Variants in WHAMM observed in about 807,000 individuals in gnomAD.
WHAMM encodes WASP homolog associated with actin, golgi membranes and microtubules.
Under a neutral mutation model 76.5 loss-of-function variants are expected in WHAMM, and 67 were observed. That is an observed-to-expected ratio of 0.88 (90% CI 0.72 to 1.07). The LOEUF (loss-of-function observed/expected upper bound fraction) is 1.07. WHAMM is among the 50% of genes least tolerant of loss of function. The pLI, the probability that WHAMM is intolerant of heterozygous loss-of-function variation, is 0.00. For synonymous variants in WHAMM, 419 were observed against 422.1 expected, an observed-to-expected ratio of 0.99 and a Z score of 0.09; for missense variants, 1,021 against 1,051.1, an observed-to-expected ratio of 0.97 and a Z score of 0.40.
Position 82,819,453 on chromosome 15 carries a change from C to T in WHAMM, c.1235C>T (p.Thr412Ile), listed in dbSNP as rs997572327. 2 of 1,267,752 alleles carry T rather than the reference C, an allele frequency of 1.6e-6. No homozygotes were observed. The highest frequency in any genetic ancestry group is 3.6e-5 in the Admixed American group (1 of 28,008). The allele number at this position is 1,267,752 out of a possible 1,614,324, so 78.5% of individuals were successfully genotyped here. A position where few individuals can be genotyped will look rare whatever the true frequency, so the allele number is the denominator to read the frequency against. The change falls in exon 5 of 10, where the codon ACT becomes ATT. Residue 412 changes from threonine (T) to isoleucine (I), a missense_variant. Physicochemically the swap from Thr to Ile is moderately conservative, Grantham distance 89. Coordinates refer to ENST00000286760, the MANE Select transcript of WHAMM (RefSeq NM_001080435.3). ...TTAAAAAACGAAGAAATACTGCTTA[C>T]TACACAGTTGGACTCTCTTAAAAGA... The part of the protein sequence containing the change: ...EILKNEEILL[T>I]TQLDSLKRLI...
chr15:82,812,177 A>G (rs965552607), intron 1 of WHAMM, among the ~76,000 whole-genome samples: 7 of 152,204 alleles, frequency 4.6e-5, no homozygotes, highest in African/African-American at 1.7e-4. Flanking sequence ...CATTAAGAGA[A>G]TCAACATGCT....
chr15:82,815,522 ATGTT>A (rs1330656285), intron 2 of WHAMM, among the ~76,000 whole-genome samples: 17 of 152,184 alleles, frequency 1.1e-4, no homozygotes, highest in Admixed American at 9.8e-4. Flanking sequence ...AATTCTGTGA[ATGTT>A]TGTGTGTAAG....
intron 5 of WHAMM, among the ~76,000 whole-genome samples, chr15:82,822,578 T>C (rs1159130826): frequency 6.6e-6 from 1 of 152,218 alleles, no homozygotes; most frequent in Non-Finnish European, 1.5e-5. Flanking sequence ...GCTCGGATTA[T>C]AGGCATGCGC....
rs1669676057 is a variant in WHAMM at position 82,833,824 on chromosome 15, C to T, written c.*288C>T. Reference sequence around the variant, plus strand: ...GTGCGATCTTGGCTCACTGCAAGCTCCGCCTCCTGGGTTCACGCCATTCTC... The same window carrying T: ...GTGCGATCTTGGCTCACTGCAAGCTTCGCCTCCTGGGTTCACGCCATTCTC... On this transcript the variant is annotated 3_prime_UTR_variant, in exon 10 of 10. Coordinates refer to ENST00000286760, the MANE Select transcript of WHAMM (RefSeq NM_001080435.3). 5.8e-6 allele frequency: 2 copies of T among 344,938 alleles called. No individual in the cohort carries two copies. The highest frequency in any genetic ancestry group is 1.1e-5 in the Non-Finnish European group (2 of 185,844). 21.4% of individuals were successfully genotyped at this position (344,938 alleles called of 1,614,324 possible).
At position 82,809,873 on chromosome 15, in the gene WHAMM, C is replaced by G. The variant is rs762515959; in HGVS notation, c.147C>G (p.Thr49=). The G allele has an allele frequency of 6.7e-5, 105 of 1,567,566 alleles. No individual in the cohort carries two copies. In the Middle Eastern group the frequency reaches 6.7e-4, roughly 10 times the overall value. The change falls in exon 1 of 10, where the codon ACC becomes ACG. Residue 49 remains threonine, a synonymous_variant. Transcript: ENST00000286760. ...TCGCTGTGACTTGTCACGACCGTAC[C>G]GCGCAGCAGCGGCGGCTGCGCGAGG... ...GKFAVTCHDR[T]AQQRRLREGA...
Position 82,810,066 on chromosome 15 carries a change from G to T in WHAMM, c.340G>T (p.Val114Leu), listed in dbSNP as rs1370237016. 3 of 1,215,488 alleles carry T rather than the reference G, an allele frequency of 2.5e-6. No individual in the cohort carries two copies. The highest frequency in any genetic ancestry group is 3.1e-6 in the Non-Finnish European group (3 of 980,842). 75.3% of individuals were successfully genotyped at this position (1,215,488 alleles called of 1,614,324 possible). Residue 114 changes from valine to leucine, a missense_variant, in exon 1 of 10, where the codon GTG (valine) becomes TTG (leucine). Transcript: ENST00000286760. ...CCCGCGGCTGCCGCCGGAGCTGGAC[G>T]TGGGCGGCGGCGGGGCCTGGGGTCT... ...CFPRLPPELDVGGGGAWGLGL... is the reference protein window; with the variant it reads ...CFPRLPPELDLGGGGAWGLGL...
At chr15:82,816,884 A>AT in intron 3 of WHAMM, 42 bp downstream of exon 3, 1 of 1,525,680 alleles carries the variant, frequency 6.6e-7, no homozygotes, top group Non-Finnish European at 8.8e-7. Context: ...CATGTAATTG[A>AT]TTATCATTTT....
chr15:82,814,260 C>G (rs2151557767), intron 2 of WHAMM, among the ~76,000 whole-genome samples: 1 of 152,256 alleles, frequency 6.6e-6, no homozygotes, highest in Middle Eastern at 3.4e-3. Context: ...TAAGATGTCT[C>G]TTGGTTTCTG....
Position 82,833,644 on chromosome 15 carries a change from C to A in WHAMM, c.*108C>A. On this transcript the variant is annotated 3_prime_UTR_variant, in exon 10 of 10. Transcript: ENST00000286760. ...GGGTGCTGATAGATGGGCCACATAA[C>A]ACCCCGGAAGATCAGCAGGGCCTTG... The A allele has an allele frequency of 8.1e-7, 1 of 1,230,980 alleles. No individual in the cohort carries two copies. The highest frequency in any genetic ancestry group is 1.1e-6 in the Non-Finnish European group (1 of 898,344). 76.3% of individuals were successfully genotyped at this position (1,230,980 alleles called of 1,614,324 possible).
chr15:82,829,351 ATGC>A (rs1214773492), intron 8 of WHAMM, among the ~76,000 whole-genome samples: 1 of 152,266 alleles, frequency 6.6e-6, no homozygotes, highest in African/African-American at 2.4e-5. Flanking sequence ...TCACAGTGAC[ATGC>A]TGCAGCCGGG....
At chr15:82,821,867 T>G (rs892912156) in intron 5 of WHAMM, among the ~76,000 whole-genome samples, 36 of 152,338 alleles carry the variant, frequency 2.4e-4, no homozygotes, top group African/African-American at 8.4e-4. Context: ...TATTTAAATC[T>G]TTTTTCCTAA....
At chr15:82,826,681 T>C in intron 7 of WHAMM, 70 bp from the exon 8 acceptor site, 2 of 1,529,604 alleles carry the variant, frequency 1.3e-6, no homozygotes, top group East Asian at 4.9e-5. Flanking sequence ...TGCTGAGACA[T>C]TTTTATTGTA....
intron 1 of WHAMM, among the ~76,000 whole-genome samples, chr15:82,812,587 T>C (rs1184512576): frequency 3.9e-5 from 6 of 151,966 alleles, no homozygotes; most frequent in Admixed American, 1.3e-4. Flanking sequence ...AAAAGTGAAA[T>C]GAAAAAATAT....
In WHAMM at chr15:82,833,346, T is replaced by A; in HGVS notation, c.2240T>A (p.Ile747Lys). 1 of 1,614,008 alleles carries A rather than the reference T, an allele frequency of 6.2e-7. No individual in the cohort carries two copies. Among genetic ancestry groups the A allele is most frequent in the South Asian group, 1.1e-5 (1 of 91,086 alleles). The change falls in exon 10 of 10, where the codon ATA becomes AAA. Residue 747 changes from isoleucine (I) to lysine (K), a missense_variant. Physicochemically the swap from Ile to Lys is moderately radical, Grantham distance 102. Transcript: ENST00000286760. ...ATCAATGAGCACATTCTGGCTGCCA[T>A]AAGGCAAGGGGTCAAACTGAAGAAA... Reference protein sequence around the residue: ...ASINEHILAAIRQGVKLKKVH... With the variant: ...ASINEHILAAKRQGVKLKKVH...
intron 8 of WHAMM, among the ~76,000 whole-genome samples, chr15:82,830,002 AAAGT>A (rs2050999775): frequency 6.6e-6 from 1 of 152,270 alleles, no homozygotes; most frequent in East Asian, 1.9e-4. Flanking sequence ...CTTAAGCCTA[AAAGT>A]AAGAGAAAAG....
In WHAMM at chr15:82,809,862, C is replaced by T. The variant is rs772443165; in HGVS notation, c.136C>T (p.His46Tyr). Residue 46 changes from histidine to tyrosine, a missense_variant, in exon 1 of 10, where the codon CAC (histidine) becomes TAC (tyrosine). Physicochemically the swap from His to Tyr is moderately conservative, Grantham distance 83. Around this residue, in one of 3 missense-constraint regions of WHAMM, gnomAD observed 501 missense variants for 524.9 expected, o/e 0.95. Coordinates refer to ENST00000286760, the MANE Select transcript of WHAMM (RefSeq NM_001080435.3). The stretch of plus-strand genomic sequence containing the variant: ...GGAGGGCAAGTTCGCTGTGACTTGT[C>T]ACGACCGTACCGCGCAGCAGCGGCG... ...GAEGKFAVTC[H>Y]DRTAQQRRLR... The T allele has an allele frequency of 1.3e-6, 2 of 1,592,260 alleles. No individual in the cohort carries two copies. The highest frequency in any genetic ancestry group is 1.4e-5 in the African/African-American group (1 of 73,136).
Position 82,833,786 on chromosome 15 carries a change from C to G in WHAMM, c.*250C>G, listed in dbSNP as rs890961457. The G allele has an allele frequency of 6.3e-6, 3 of 475,514 alleles. No individual in the cohort carries two copies. In the Admixed American group the frequency reaches 1.1e-4, roughly 17 times the overall value. The allele number at this position is 475,514 out of a possible 1,614,324, so 29.5% of individuals were successfully genotyped here. A position where few individuals can be genotyped will look rare whatever the true frequency, so the allele number is the denominator to read the frequency against. On this transcript the variant is annotated 3_prime_UTR_variant, in exon 10 of 10. Transcript: ENST00000286760. ...CTCACCGCAAGCTCCGCTTCCCAGG[C>G]TGGGGTGCAGTGGTGCGATCTTGGC...
At position 82,809,849 on chromosome 15, in the gene WHAMM, C is replaced by T. The variant is rs757259290; in HGVS notation, c.123C>T (p.Phe41=). Residue 41 remains phenylalanine (F), a synonymous_variant, in exon 1 of 10, where the codon TTC becomes TTT. Coordinates refer to ENST00000286760, the MANE Select transcript of WHAMM (RefSeq NM_001080435.3). The part of the protein sequence containing the change: ...LVAWNGAEGK[F]AVTCHDRTAQ... ...CCTGGAACGGCGCGGAGGGCAAGTTCGCTGTGACTTGTCACGACCGTACCG... is the reference window on the plus strand; with the variant it reads ...CCTGGAACGGCGCGGAGGGCAAGTTTGCTGTGACTTGTCACGACCGTACCG... The T allele has an allele frequency of 4.4e-6, 7 of 1,604,968 alleles. No homozygotes were observed. In the African/African-American group the frequency reaches 6.7e-5, roughly 15 times the overall value.
intron 9 of WHAMM, 130 bp from the exon 10 acceptor site, chr15:82,833,099 G>A: frequency 9.2e-7 from 1 of 1,090,866 alleles, no homozygotes; most frequent in South Asian, 1.6e-5. Context: ...CAAGGCATTT[G>A]CTTAATGAAG....
Sources: allele counts gnomAD v4.1 joint callset (sites outside exome capture counted in the v4.1 genomes callset), GRCh38; gene constraint gnomAD v4.1.1; regional missense constraint gnomAD v4.1.1; transcripts MANE v1.5; gene names NCBI Gene and HGNC (gene_info 2026-07-23, HGNC 2026-07-21).